The following DOCK10 variants were observed in gnomAD, a reference collection of about 807,000 sequenced individuals.
DOCK10 encodes the protein dedicator of cytokinesis protein 10.
Under a neutral mutation model 280.1 loss-of-function variants are expected in DOCK10, and 145 were observed. The observed-to-expected ratio is 0.52, with a 90% confidence interval of 0.45 to 0.59. DOCK10 has a LOEUF of 0.59. DOCK10 is among the 20% of genes least tolerant of loss of function. The probability of loss-of-function intolerance (pLI) is 0.00; values close to 1 mark genes in which losing one functional copy is unlikely to be tolerated. For synonymous variants in DOCK10, 915 were observed against 942.2 expected (o/e 0.97, Z 0.53); for missense variants, 2,368 against 2,651.7 (o/e 0.89, Z 2.35).
intron 47 of DOCK10, among the ~76,000 whole-genome samples, chr2:224,790,166 T>A (rs913991972): frequency 2.6e-4 from 39 of 152,348 alleles, no homozygotes; most frequent in African/African-American, 8.4e-4. Context: ...TTTTAAAAGG[T>A]CTGTCTCTAC....
chr2:224,815,737 A>G (rs1342516953), intron 30 of DOCK10, among the ~76,000 whole-genome samples: 3 of 152,110 alleles, frequency 2.0e-5, no homozygotes, highest in Admixed American at 1.3e-4. Flanking sequence ...ATGAATATCA[A>G]AGCAAATATG....
chr2:224,855,064 GACACACACACACACAC>G, intron 15 of DOCK10, 22 bp from the exon 16 acceptor site: 3 of 574,246 alleles, frequency 5.2e-6, no homozygotes, highest in Non-Finnish European at 8.9e-6. Flanking sequence ...CATGAGCAAG[GACACACACACACACAC>G]ACACACACAC....
At chr2:224,854,418 TAAC>T (rs1374348671) in intron 16 of DOCK10, among the ~76,000 whole-genome samples, 1 of 152,224 alleles carries the variant, frequency 6.6e-6, no homozygotes, top group African/African-American at 2.4e-5. Context: ...CTCTGTATAA[TAAC>T]AGAGTCTGAC....
intron 1 of DOCK10, among the ~76,000 whole-genome samples, chr2:224,985,042 T>C (rs890924556): frequency 6.6e-6 from 1 of 152,016 alleles, no homozygotes; most frequent in African/African-American, 2.4e-5. Context: ...TAAGATTAGG[T>C]ATAAACTCTT....
At chr2:224,773,404 G>A in intron 52 of DOCK10, 57 bp from the exon 53 acceptor site, 4 of 1,500,370 alleles carry the variant, frequency 2.7e-6, no homozygotes, top group South Asian at 1.2e-5. Context: ...AGAGTCAAGG[G>A]TTTCCCTGAA....
intron 1 of DOCK10, among the ~76,000 whole-genome samples, chr2:224,996,619 T>C (rs1317686340): frequency 2.0e-5 from 3 of 152,240 alleles, no homozygotes; most frequent in Admixed American, 6.5e-5. Flanking sequence ...CTAACCCTTA[T>C]GGCTACTGCG....
At chr2:224,916,899 A>G in intron 2 of DOCK10, 115 bp from the exon 3 acceptor site, 1 of 755,156 alleles carries the variant, frequency 1.3e-6, no homozygotes, top group Non-Finnish European at 2.2e-6. Flanking sequence ...AAGTTAACAG[A>G]AGACAGAGAC....
chr2:224,983,924 T>C (rs1404692724), intron 1 of DOCK10: 5 of 468,490 alleles, frequency 1.1e-5, no homozygotes, highest in Admixed American at 9.5e-5. Context: ...TCTAAACAAC[T>C]AGGGCATTTA....
At chr2:224,850,538 T>C (rs1194108652) in intron 18 of DOCK10, among the ~76,000 whole-genome samples, 1 of 152,146 alleles carries the variant, frequency 6.6e-6, no homozygotes, top group South Asian at 2.1e-4. Flanking sequence ...CCAATCTGAC[T>C]CTTGATTTAC....
chr2:224,857,290 G>A (rs1323790618), intron 14 of DOCK10, among the ~76,000 whole-genome samples: 2 of 152,118 alleles, frequency 1.3e-5, no homozygotes, highest in African/African-American at 2.4e-5. Flanking sequence ...AGAAGAATAG[G>A]AACACAAGTT....
chr2:225,004,683 C>T (rs1012837523), intron 1 of DOCK10, among the ~76,000 whole-genome samples: 2 of 152,212 alleles, frequency 1.3e-5, no homozygotes, highest in African/African-American at 4.8e-5. Context: ...AGCCACATGT[C>T]GGCTTAATAA....
chr2:224,912,260 C>G (rs1286395023), intron 3 of DOCK10, among the ~76,000 whole-genome samples: 1 of 151,970 alleles, frequency 6.6e-6, no homozygotes, highest in Non-Finnish European at 1.5e-5. Flanking sequence ...CTCAGCATCC[C>G]AAATAGCTGG....
chr2:224,912,316 G>C (rs1226989121), intron 3 of DOCK10, among the ~76,000 whole-genome samples: 1 of 151,914 alleles, frequency 6.6e-6, no homozygotes. Context: ...TGTATTTTTA[G>C]TAGAGACAGG....
intron 7 of DOCK10, among the ~76,000 whole-genome samples, chr2:224,883,342 TG>T (rs1699084267): frequency 6.6e-6 from 1 of 151,476 alleles, no homozygotes; most frequent in Non-Finnish European, 1.5e-5. Context: ...AGGCACTAAG[TG>T]GGTTTGTTGA....
At chr2:225,037,596 G>A (rs940516200) in intron 1 of DOCK10, among the ~76,000 whole-genome samples, 4 of 152,176 alleles carry the variant, frequency 2.6e-5, no homozygotes, top group African/African-American at 9.7e-5. Flanking sequence ...TTAACCCTAT[G>A]AGTCTCACTG....
intron 1 of DOCK10, among the ~76,000 whole-genome samples, chr2:224,943,761 CTTTTTTTT>C (rs67538456): frequency 2.8e-5 from 3 of 107,414 alleles, no homozygotes; most frequent in African/African-American, 7.4e-5. Context: ...TTTTTCTTTT[CTTTTTTTT>C]TTTTTTTTTT....
chr2:225,029,676 C>T (rs1430020763), intron 1 of DOCK10, among the ~76,000 whole-genome samples: 1 of 152,146 alleles, frequency 6.6e-6, no homozygotes, highest in East Asian at 1.9e-4. Context: ...AAATATTCAA[C>T]ATTAGCTCAA....
At chr2:225,019,212 ACATCTT>A (rs1689718891) in intron 1 of DOCK10, among the ~76,000 whole-genome samples, 1 of 152,096 alleles carries the variant, frequency 6.6e-6, no homozygotes, top group South Asian at 2.1e-4. Flanking sequence ...GTAGCCCCCC[ACATCTT>A]CAGGACCCCC....
chr2:224,888,880 A>C (rs2125781157), intron 4 of DOCK10, among the ~76,000 whole-genome samples: 1 of 152,154 alleles, frequency 6.6e-6, no homozygotes, highest in Non-Finnish European at 1.5e-5. Context: ...GTGTGTATGT[A>C]TATATTAATG....
Sources: gnomAD v4.1 joint callset for allele counts (sites outside exome capture counted in the v4.1 genomes callset) on GRCh38, gnomAD v4.1.1 for gene constraint, MANE v1.5 for transcripts, NCBI Gene and HGNC (gene_info 2026-07-23, HGNC 2026-07-21) for gene names.